CPPED1: variants seen among roughly 807,000 people sequenced by gnomAD.
The protein encoded by CPPED1 is serine/threonine-protein phosphatase CPPED1.
CPPED1 carries 28 observed loss-of-function variants against 28.0 expected under a neutral mutation model. The ratio of observed to expected loss-of-function variants is 1.00; its 90% CI spans 0.74 to 1.37. CPPED1 has a LOEUF of 1.37. Ranked by LOEUF, CPPED1 falls within the 40% of genes most tolerant of loss-of-function variation. The pLI is 0.00. For missense variants in CPPED1, 504 were observed against 416.5 expected, an observed-to-expected ratio of 1.21 and a Z score of -1.83; for synonymous variants, 198 against 180.2, an observed-to-expected ratio of 1.10 and a Z score of -0.79.
chr16:12,711,920 C>T (rs1429358898), intron 2 of CPPED1, among the ~76,000 whole-genome samples: 2 of 151,804 alleles, frequency 1.3e-5, no homozygotes, highest in African/African-American at 2.4e-5. Context: ...CAGCCCCCTA[C>T]CCAGGGAAGA....
At chr16:12,775,359 C>T (rs1401823465) in intron 2 of CPPED1, among the ~76,000 whole-genome samples, 1 of 152,186 alleles carries the variant, frequency 6.6e-6, no homozygotes, top group African/African-American at 2.4e-5. Context: ...CAGACTAAGA[C>T]ACACATTTTC....
chr16:12,771,992 G>A (rs2080472782), intron 2 of CPPED1, among the ~76,000 whole-genome samples: 1 of 152,192 alleles, frequency 6.6e-6, no homozygotes, highest in Admixed American at 6.5e-5. Context: ...GCTTGGTGGT[G>A]CATGCCTGTA....
At chr16:12,767,519 G>A (rs1262635392) in intron 2 of CPPED1, among the ~76,000 whole-genome samples, 1 of 152,118 alleles carries the variant, frequency 6.6e-6, no homozygotes, top group African/African-American at 2.4e-5. Flanking sequence ...GAGAGCTGTG[G>A]ACCTTCTCCC....
intron 2 of CPPED1, among the ~76,000 whole-genome samples, chr16:12,732,444 C>G (rs1292304988): frequency 6.7e-6 from 1 of 149,870 alleles, no homozygotes; most frequent in Non-Finnish European, 1.5e-5. Flanking sequence ...CTCCCCTGCC[C>G]ACACACAACA....
intron 2 of CPPED1, among the ~76,000 whole-genome samples, chr16:12,775,473 T>C (rs986050408): frequency 7.9e-5 from 12 of 152,092 alleles, no homozygotes; most frequent in African/African-American, 2.2e-4. Flanking sequence ...ACCAAAGGTG[T>C]AGAGTTTTCC....
At chr16:12,741,895 T>C (rs559123292) in intron 2 of CPPED1, among the ~76,000 whole-genome samples, 1 of 152,074 alleles carries the variant, frequency 6.6e-6, no homozygotes. Context: ...TGAAATCCTG[T>C]CTCTACTAAA....
At chr16:12,724,488 A>G (rs1046847595) in intron 2 of CPPED1, among the ~76,000 whole-genome samples, 1 of 152,096 alleles carries the variant, frequency 6.6e-6, no homozygotes, top group African/African-American at 2.4e-5. Flanking sequence ...TTCAGCTGTC[A>G]CCAGCCTGGC....
intron 2 of CPPED1, among the ~76,000 whole-genome samples, chr16:12,749,198 T>C (rs765422868): frequency 9.2e-5 from 14 of 152,196 alleles, no homozygotes; most frequent in Non-Finnish European, 1.9e-4. Flanking sequence ...TAGCATTTCA[T>C]CTACAGAATG....
intron 2 of CPPED1, among the ~76,000 whole-genome samples, chr16:12,735,804 C>G (rs111378218): frequency 6.6e-6 from 1 of 152,132 alleles, no homozygotes; most frequent in East Asian, 1.9e-4. Context: ...GCAAAGGTGC[C>G]GTGAGAAGTC....
At chr16:12,710,949 C>A (rs1049779646) in intron 2 of CPPED1, among the ~76,000 whole-genome samples, 1 of 152,132 alleles carries the variant, frequency 6.6e-6, no homozygotes, top group African/African-American at 2.4e-5. Context: ...AAAAATTAAA[C>A]GTAGGATTAC....
chr16:12,795,138 G>A (rs1364122546), intron 1 of CPPED1, among the ~76,000 whole-genome samples: 4 of 152,232 alleles, frequency 2.6e-5, no homozygotes, highest in Admixed American at 2.0e-4. Flanking sequence ...AGCACTCTGG[G>A]AAGAACTGGT....
At chr16:12,719,296 C>T (rs944304254) in intron 2 of CPPED1, among the ~76,000 whole-genome samples, 1 of 151,296 alleles carries the variant, frequency 6.6e-6, no homozygotes, top group African/African-American at 2.4e-5. Flanking sequence ...GAAGCTGAGG[C>T]AGGAGAATGG....
In CPPED1 at chr16:12,781,189, C is replaced by A; in HGVS notation, c.285G>T (p.Met95Ile). 1 of 1,612,100 alleles carries A rather than the reference C, an allele frequency of 6.2e-7. No individual in the cohort carries two copies. The highest frequency in any genetic ancestry group is 8.5e-7 in the Non-Finnish European group (1 of 1,179,084). Residue 95 changes from methionine (M) to isoleucine (I), a missense_variant, in exon 2 of 4, where the codon ATG becomes ATT. Physicochemically the swap from Met to Ile is conservative, Grantham distance 10 (BLOSUM62 1). Coordinates refer to ENST00000381774, the MANE Select transcript of CPPED1 (RefSeq NM_018340.3). ...AAGCGATGACCCGAGTCTTACCTGG[C>A]ATGGCGTGGATGAGGTCGCCGCACA... is the stretch of plus-strand genomic sequence containing the variant. ...FVLCGDLIHA[M>I]PGKPWRTEQT...
At chr16:12,775,583 T>C (rs2080493114) in intron 2 of CPPED1, among the ~76,000 whole-genome samples, 1 of 152,210 alleles carries the variant, frequency 6.6e-6, no homozygotes, top group Non-Finnish European at 1.5e-5. Context: ...TTGAACCTCA[T>C]TGTCCATACA....
chr16:12,760,874 C>T (rs2080405152), intron 2 of CPPED1: 1 of 152,282 alleles, frequency 6.6e-6, no homozygotes, highest in Non-Finnish European at 1.5e-5. Context: ...TGGACTGTAA[C>T]TAGGCATCCC....
chr16:12,785,625 G>A (rs1382135736), intron 1 of CPPED1, among the ~76,000 whole-genome samples: 3 of 151,840 alleles, frequency 2.0e-5, no homozygotes, highest in South Asian at 2.1e-4. Context: ...ACGGGGTTTC[G>A]CCATGTTGGC....
At chr16:12,674,393 C>G (rs752524517) in intron 3 of CPPED1, among the ~76,000 whole-genome samples, 1 of 152,146 alleles carries the variant, frequency 6.6e-6, no homozygotes, top group Non-Finnish European at 1.5e-5. Flanking sequence ...GGAAACACTT[C>G]TTGGGTTGGA....
intron 1 of CPPED1, among the ~76,000 whole-genome samples, chr16:12,789,914 T>C (rs527359302): frequency 1.3e-5 from 2 of 152,208 alleles, no homozygotes; most frequent in Non-Finnish European, 2.9e-5. Flanking sequence ...CAGAGTCACC[T>C]GTTGTATAGA....
intron 2 of CPPED1, among the ~76,000 whole-genome samples, chr16:12,708,806 G>A (rs952521874): frequency 6.6e-6 from 1 of 152,206 alleles, no homozygotes; most frequent in African/African-American, 2.4e-5. Context: ...GTGGCTGGGT[G>A]CAGTGGCTCA....
Sources: allele counts gnomAD v4.1 joint callset (sites outside exome capture counted in the v4.1 genomes callset), GRCh38; gene constraint gnomAD v4.1.1; transcripts MANE v1.5; gene names NCBI Gene and HGNC (gene_info 2026-07-23, HGNC 2026-07-21).